RBFA: variants seen among roughly 807,000 people sequenced by gnomAD.
RBFA encodes the protein ribosome binding factor A.
In RBFA, 16 loss-of-function variants were observed where a neutral mutation model predicts 27.9. That is an observed-to-expected ratio of 0.57 (90% CI 0.39 to 0.87). RBFA has a LOEUF of 0.87. Among genes scored for constraint, RBFA ranks in the 40% least tolerant of loss-of-function variants. RBFA has a pLI of 0.00. For missense variants in RBFA, 456 were observed against 432.1 expected, an observed-to-expected ratio of 1.06 and a Z score of -0.49; for synonymous variants, 181 against 181.0, an observed-to-expected ratio of 1.00 and a Z score of 0.00.
In RBFA at chr18:80,049,232, G is replaced by T. The variant is rs182978943; in HGVS notation, c.*3077G>T. ...TGGGTCCACTCCTGGGGATTTCCGC[G>T]GCCTTCCCTGGGAGCGGGTTAGGGA... On this transcript the variant is annotated 3_prime_UTR_variant, in exon 7 of 7. Coordinates refer to ENST00000306735, the MANE Select transcript of RBFA (RefSeq NM_024805.3). Among the ~76,000 whole-genome samples the T allele has an allele frequency of 6.6e-6, 1 of 151,998 alleles. No individual in the cohort carries two copies. Among genetic ancestry groups the T allele is most frequent in the Non-Finnish European group, 1.5e-5 (1 of 67,988 alleles).
chr18:80,037,096 CT>C (rs1271957768), intron 2 of RBFA, among the ~76,000 whole-genome samples: 1 of 152,150 alleles, frequency 6.6e-6, no homozygotes, highest in African/African-American at 2.4e-5. Context: ...TCAACAAAAA[CT>C]TTTTTTGAGA....
At position 80,038,535 on chromosome 18, in the gene RBFA, C is replaced by A; in HGVS notation, c.409C>A (p.Arg137=). The A allele has an allele frequency of 6.2e-7, 1 of 1,613,776 alleles. No homozygotes were observed. The highest frequency in any genetic ancestry group is 8.5e-7 in the Non-Finnish European group (1 of 1,179,746). ...CCTGACTCCAGACTTCTCAGCCTGC[C>A]GAGCGTACTGGAAGACAACGCTCTC... is the stretch of plus-strand genomic sequence containing the variant. ...VSLTPDFSAC[R]AYWKTTLSAE... The change falls in exon 4 of 7, where the codon CGA becomes AGA. Residue 137 remains arginine (R), a synonymous_variant. Coordinates refer to ENST00000306735, the MANE Select transcript of RBFA (RefSeq NM_024805.3).
At position 80,041,972 on chromosome 18, in the gene RBFA, C is replaced by T. The variant is rs112225610; in HGVS notation, c.492-163C>T. ...CGATCTCCTGACCTCGTGATCCGCC[C>T]GCCTCGGCCTCCCAAAGTGCTGGGA... On this transcript the variant is annotated intron_variant, in intron 4 of 6. Coordinates refer to ENST00000306735, the MANE Select transcript of RBFA (RefSeq NM_024805.3). The T allele has an allele frequency of 7.5e-4, 223 of 298,238 alleles. 1 individual carries two copies. The highest frequency in any genetic ancestry group is 3.9e-3 in the African/African-American group (178 of 45,330). 18.5% of individuals were successfully genotyped at this position (298,238 alleles called of 1,614,324 possible).
rs1415461231 is a variant in RBFA, at chr18:80,044,194, C to G, written c.577-18C>G. 3.1e-6 allele frequency: 5 copies of G among 1,612,200 alleles called. No homozygotes were observed. In the African/African-American group the frequency reaches 5.3e-5, roughly 17 times the overall value. ...TGGGGATGTGGCTAACGGGTTTACC[C>G]TCTGTGTTCCTCTGTAGCTTGATCA... is the stretch of plus-strand genomic sequence containing the variant. On this transcript the variant is annotated intron_variant, in intron 5 of 6. Transcript: ENST00000306735.
At chr18:80,038,328 G>A (rs769866298) in intron 3 of RBFA, among the ~76,000 whole-genome samples, 177 bp from the exon 4 acceptor site, 1 of 152,142 alleles carries the variant, frequency 6.6e-6, no homozygotes, top group Non-Finnish European at 1.5e-5. Context: ...TTGGTTTCTG[G>A]GGCCCTACTT....
At chr18:80,034,771 G>T in intron 1 of RBFA, 118 bp downstream of exon 1, 1 of 1,283,786 alleles carries the variant, frequency 7.8e-7, no homozygotes, top group Non-Finnish European at 1.1e-6. Context: ...GCCAGTTCCT[G>T]CCTCCTGGGG....
chr18:80,039,190 C>T (rs967655956), intron 4 of RBFA, among the ~76,000 whole-genome samples: 2 of 152,278 alleles, frequency 1.3e-5, no homozygotes, highest in East Asian at 1.9e-4. Flanking sequence ...TGGCAGCACA[C>T]GCATATAGTC....
Position 80,046,133 on chromosome 18 carries a change from G to A in RBFA, c.1010G>A (p.Ser337Asn), listed in dbSNP as rs762056202. Residue 337 changes from serine (S) to asparagine (N), a missense_variant, in exon 7 of 7, where the codon AGC becomes AAC. By Grantham distance (46) the Ser-to-Asn change is conservative (BLOSUM62 1). Transcript: ENST00000306735. Reference protein sequence around the residue: ...RGGGRTEDGHSCGASRE With the variant: ...RGGGRTEDGHNCGASRE ...GGTGGCAGAACAGAGGATGGCCACA[G>A]CTGCGGAGCAAGCAGGGAGTAGATG... 6.2e-7 allele frequency: 1 copy of A among 1,614,052 alleles called. No homozygotes were observed. Among genetic ancestry groups the A allele is most frequent in the Non-Finnish European group, 8.5e-7 (1 of 1,179,980 alleles).
At chr18:80,040,675 TG>T (rs1176453288) in intron 4 of RBFA, among the ~76,000 whole-genome samples, 6 of 152,030 alleles carry the variant, frequency 3.9e-5, no homozygotes, top group Non-Finnish European at 8.8e-5. Flanking sequence ...ATTGATTTTG[TG>T]GGGGGGAGTG....
Position 80,049,423 on chromosome 18 carries a change from T to C in RBFA, c.*3268T>C, listed in dbSNP as rs2052081599. Among the ~76,000 whole-genome samples the C allele has an allele frequency of 6.6e-6, 1 of 152,200 alleles. No homozygotes were observed. Among genetic ancestry groups the C allele is most frequent in the African/African-American group, 2.4e-5 (1 of 41,446 alleles). On this transcript the variant is annotated 3_prime_UTR_variant, in exon 7 of 7. Coordinates refer to ENST00000306735, the MANE Select transcript of RBFA (RefSeq NM_024805.3). ...TCCACTCCTGGGGATTTTCCGCAGC[T>C]CTCCAGATGACGTGCACGCACACTA... is the stretch of plus-strand genomic sequence containing the variant.
intron 4 of RBFA, 150 bp from the exon 5 acceptor site, chr18:80,041,985 C>G: frequency 2.9e-6 from 1 of 343,904 alleles, no homozygotes; most frequent in Non-Finnish European, 5.2e-6. Context: ...CTCGGCCTCC[C>G]AAAGTGCTGG....
At chr18:80,037,591 TA>T in intron 3 of RBFA, 85 bp downstream of exon 3, 4 of 1,315,302 alleles carry the variant, frequency 3.0e-6, no homozygotes, top group Non-Finnish European at 4.2e-6. Flanking sequence ...GCCTGACAAT[TA>T]AAAAAAGACG....
chr18:80,043,848 A>G (rs2052032767), intron 5 of RBFA, among the ~76,000 whole-genome samples: 2 of 152,198 alleles, frequency 1.3e-5, no homozygotes, highest in South Asian at 4.1e-4. Context: ...CAAGGCACAC[A>G]AATTCTGTGG....
At chr18:80,040,529 T>C (rs182348498) in intron 4 of RBFA, among the ~76,000 whole-genome samples, 1 of 152,272 alleles carries the variant, frequency 6.6e-6, no homozygotes, top group Non-Finnish European at 1.5e-5. Context: ...ATTACAGGCA[T>C]GAGCTACTGC....
In RBFA at chr18:80,048,990, G is replaced by T. The variant is rs1468335342; in HGVS notation, c.*2835G>T. Among the ~76,000 whole-genome samples the T allele has an allele frequency of 6.7e-6, 1 of 148,942 alleles. No homozygotes were observed. The highest frequency in any genetic ancestry group is 1.5e-5 in the Non-Finnish European group (1 of 66,566). ...GTGGAGTGTGGGCACGTTTGTAGGG[G>T]ATCCCACCAGGCATCAGCTCAGTGC... On this transcript the variant is annotated 3_prime_UTR_variant, in exon 7 of 7. Transcript: ENST00000306735.
chr18:80,045,686 A>C (rs375268438), intron 6 of RBFA, 88 bp from the exon 7 acceptor site: 1 of 1,402,116 alleles, frequency 7.1e-7, no homozygotes, highest in African/African-American at 1.4e-5. Flanking sequence ...AGATGTAGGA[A>C]GTGTGATGTG....
At position 80,046,566 on chromosome 18, in the gene RBFA, C is replaced by T. The variant is rs2052056151; in HGVS notation, c.*411C>T. Among the ~76,000 whole-genome samples the T allele has an allele frequency of 6.6e-6, 1 of 152,226 alleles. No individual in the cohort carries two copies. Among genetic ancestry groups the T allele is most frequent in the East Asian group, 1.9e-4 (1 of 5,186 alleles). On this transcript the variant is annotated 3_prime_UTR_variant, in exon 7 of 7. Transcript: ENST00000306735. ...AGGGTCCCCAGAGCCTCCCAACCCC[C>T]TGGAGCTGGGCTCCGTCCCTGGGGC...
At chr18:80,043,896 A>G (rs945183227) in intron 5 of RBFA, among the ~76,000 whole-genome samples, 1 of 152,268 alleles carries the variant, frequency 6.6e-6, no homozygotes, top group Non-Finnish European at 1.5e-5. Flanking sequence ...CTTAGAAACC[A>G]GTTAATGGTT....
In RBFA at chr18:80,046,011, G is replaced by C; in HGVS notation, c.888G>C (p.Leu296=). Reference sequence around the variant, plus strand: ...AGGACAGCTCCCTCAAGAGTTACCTGTCAGGCGAGGAGGTTGAAGATGACC... The same window carrying C: ...AGGACAGCTCCCTCAAGAGTTACCTCTCAGGCGAGGAGGTTGAAGATGACC... ...LEQDSSLKSY[L]SGEEVEDDLD... is the part of the protein sequence containing the mutation. Residue 296 remains leucine (L), a synonymous_variant, in exon 7 of 7, where the codon CTG becomes CTC. Coordinates refer to ENST00000306735, the MANE Select transcript of RBFA (RefSeq NM_024805.3). 6.2e-7 allele frequency: 1 copy of C among 1,614,140 alleles called. No individual in the cohort carries two copies. Among genetic ancestry groups the C allele is most frequent in the Non-Finnish European group, 8.5e-7 (1 of 1,180,056 alleles).
Sources: allele counts gnomAD v4.1 joint callset (sites outside exome capture counted in the v4.1 genomes callset), GRCh38; gene constraint gnomAD v4.1.1; transcripts MANE v1.5; gene names NCBI Gene and HGNC (gene_info 2026-07-23, HGNC 2026-07-21).